Variants in PTPRQ observed in about 807,000 individuals in gnomAD.
PTPRQ encodes protein tyrosine phosphatase receptor type Q, also known as phosphatidylinositol phosphatase PTPRQ.
Under a neutral mutation model 246.0 loss-of-function variants are expected in PTPRQ, and 199 were observed. That is an observed-to-expected ratio of 0.81 (90% CI 0.72 to 0.91). The LOEUF is 0.91. Ranked by LOEUF, PTPRQ falls within the 40% of genes least tolerant of loss-of-function variation. The pLI is 0.00. For synonymous variants in PTPRQ, 869 were observed against 853.2 expected, an observed-to-expected ratio of 1.02 and a Z score of -0.32; for missense variants, 2,624 against 2,528.4, an observed-to-expected ratio of 1.04 and a Z score of -0.81.
At chr12:80,622,181 A>G in intron 33 of PTPRQ, 47 bp downstream of exon 33, 3 of 1,282,392 alleles carry the variant, frequency 2.3e-6, no homozygotes, top group Non-Finnish European at 3.1e-6. Context: ...TATTTATCAA[A>G]GTTGGAACAT....
chr12:80,491,774 C>G (rs1894457069), intron 9 of PTPRQ, among the ~76,000 whole-genome samples: 1 of 151,836 alleles, frequency 6.6e-6, no homozygotes, highest in South Asian at 2.1e-4. Flanking sequence ...TGAGCACCTA[C>G]TTTCTTTTTT....
chr12:80,547,584 G>A (rs751903184), intron 24 of PTPRQ, among the ~76,000 whole-genome samples: 8 of 152,038 alleles, frequency 5.3e-5, no homozygotes, highest in Non-Finnish European at 1.0e-4. Flanking sequence ...AAAATAAATA[G>A]CATTTATAAT....
At chr12:80,548,858 G>A (rs1896385089) in intron 24 of PTPRQ, among the ~76,000 whole-genome samples, 1 of 152,062 alleles carries the variant, frequency 6.6e-6, no homozygotes, top group South Asian at 2.1e-4. Context: ...CCTCTGAGAA[G>A]CTGGGTTAGT....
At position 80,610,630 on chromosome 12, in the gene PTPRQ, G is replaced by C. The variant is rs538888949; in HGVS notation, c.4918+5G>C. On this transcript the variant is annotated splice_donor_5th_base_variant and intron_variant, in intron 28 of 44. Coordinates refer to ENST00000644991, the MANE Select transcript of PTPRQ (RefSeq NM_001145026.2). ...TTGTTACTACTTTAGAATCAGGTAA[G>C]GAGAATTTCTCAACCTTGCTAAAAA... The C allele has an allele frequency of 1.9e-6, 3 of 1,540,582 alleles. No individual in the cohort carries two copies. In the African/African-American group the frequency reaches 4.2e-5, roughly 21 times the overall value.
At position 80,491,150 on chromosome 12, in the gene PTPRQ, T is replaced by A. The variant is rs576419369; in HGVS notation, c.1360-2125T>A. Among the ~76,000 whole-genome samples the A allele has an allele frequency of 7.2e-4, 109 of 152,108 alleles. 1 individual carries two copies. Among genetic ancestry groups the A allele is most frequent in the African/African-American group, 2.3e-3 (97 of 41,554 alleles). On this transcript the variant is annotated intron_variant, in intron 9 of 44. Transcript: ENST00000644991. ...AGAGATGCTTAACATATGTAATTGA[T>A]GGGATGTTATGCTTTAACTCTCCAT... is the stretch of plus-strand genomic sequence containing the variant.
intron 37 of PTPRQ, among the ~76,000 whole-genome samples, chr12:80,651,594 C>T (rs114939959): frequency 0.016 from 2,485 of 152,068 alleles, 55 homozygotes; most frequent in African/African-American, 0.053. Context: ...GATAACACTG[C>T]CCAGTGTAAC....
intron 25 of PTPRQ, among the ~76,000 whole-genome samples, chr12:80,578,178 T>C (rs912201485): frequency 6.6e-6 from 1 of 150,858 alleles, no homozygotes. Flanking sequence ...CATTAACTTG[T>C]CATTTAGCAT....
chr12:80,447,712 G>C (rs558101713), intron 3 of PTPRQ, among the ~76,000 whole-genome samples: 1 of 150,322 alleles, frequency 6.7e-6, no homozygotes. Flanking sequence ...TTGGTTGTAG[G>C]TATGTGACTT....
intron 25 of PTPRQ, among the ~76,000 whole-genome samples, chr12:80,572,293 G>T (rs569257785): frequency 6.6e-6 from 1 of 151,998 alleles, no homozygotes; most frequent in South Asian, 2.1e-4. Context: ...ATTCTAAATA[G>T]AATTGATTTT....
chr12:80,674,546 A>C (rs968783468), intron 43 of PTPRQ, among the ~76,000 whole-genome samples: 1 of 152,172 alleles, frequency 6.6e-6, no homozygotes, highest in African/African-American at 2.4e-5. Context: ...CTTTTTGGAC[A>C]AATGTCCCTT....
At chr12:80,567,899 C>T (rs1397475538) in intron 25 of PTPRQ, among the ~76,000 whole-genome samples, 1 of 152,072 alleles carries the variant, frequency 6.6e-6, no homozygotes, top group Non-Finnish European at 1.5e-5. Context: ...ATTTCATTCT[C>T]AGCAGAATTT....
At chr12:80,466,176 A>G (rs1893403420) in intron 6 of PTPRQ, among the ~76,000 whole-genome samples, 2 of 152,192 alleles carry the variant, frequency 1.3e-5, no homozygotes, top group African/African-American at 4.8e-5. Context: ...TACAAAATCA[A>G]TGTACAAAAA....
At chr12:80,628,301 T>C (rs187054068) in intron 33 of PTPRQ, among the ~76,000 whole-genome samples, 54 of 152,222 alleles carry the variant, frequency 3.5e-4, no homozygotes, top group African/African-American at 1.3e-3. Context: ...CTGATAACTG[T>C]TTTAAATTCA....
intron 35 of PTPRQ, among the ~76,000 whole-genome samples, chr12:80,644,666 G>A (rs1249704859): frequency 1.3e-5 from 2 of 151,938 alleles, no homozygotes; most frequent in Admixed American, 1.3e-4. Flanking sequence ...ATACCTCTCA[G>A]TGATAAGTTA....
At chr12:80,571,288 G>A (rs1000665231) in intron 25 of PTPRQ, among the ~76,000 whole-genome samples, 1 of 152,104 alleles carries the variant, frequency 6.6e-6, no homozygotes, top group Non-Finnish European at 1.5e-5. Context: ...GGGATTACAG[G>A]CATGTGCCAC....
At chr12:80,566,731 G>C (rs1896990692) in intron 25 of PTPRQ, among the ~76,000 whole-genome samples, 2 of 151,980 alleles carry the variant, frequency 1.3e-5, no homozygotes, top group African/African-American at 4.8e-5. Flanking sequence ...ATTGAGACAA[G>C]ATCTCACTAT....
In PTPRQ at chr12:80,495,431, A is replaced by G. The variant is rs2120653467; in HGVS notation, c.1882+60A>G. Reference sequence around the variant, plus strand: ...TCATTTTACATTTCTATTCTGGTGGAAAATATGCCCATCTCCCTGTGCCTT... The same window carrying G: ...TCATTTTACATTTCTATTCTGGTGGGAAATATGCCCATCTCCCTGTGCCTT... On this transcript the variant is annotated intron_variant, in intron 12 of 44. Transcript: ENST00000644991. The G allele has an allele frequency of 6.2e-6, 9 of 1,461,574 alleles. No homozygotes were observed. In the South Asian group the frequency reaches 1.2e-4, roughly 20 times the overall value. 90.5% of individuals were successfully genotyped at this position (1,461,574 alleles called of 1,614,324 possible). A position where few individuals can be genotyped will look rare whatever the true frequency, so the allele number is the denominator to read the frequency against.
intron 25 of PTPRQ, among the ~76,000 whole-genome samples, chr12:80,580,333 A>C (rs1303293278): frequency 6.6e-6 from 1 of 152,188 alleles, no homozygotes; most frequent in African/African-American, 2.4e-5. Flanking sequence ...ATCACAGTTC[A>C]GTCATGTTTA....
intron 17 of PTPRQ, among the ~76,000 whole-genome samples, chr12:80,530,400 G>A (rs1019435376): frequency 8.5e-5 from 13 of 152,104 alleles, no homozygotes; most frequent in Admixed American, 7.2e-4. Flanking sequence ...AGTAGTGCCC[G>A]ACACAAAGTA....
Sources: gnomAD v4.1 joint callset for allele counts (sites outside exome capture counted in the v4.1 genomes callset) on GRCh38, gnomAD v4.1.1 for gene constraint, MANE v1.5 for transcripts, NCBI Gene and HGNC (gene_info 2026-07-23, HGNC 2026-07-21) for gene names.